The following IGSF5 variants were observed in gnomAD, a reference collection of about 807,000 sequenced individuals.
IGSF5 encodes the protein immunoglobulin superfamily member 5.
In IGSF5, 41 loss-of-function variants were observed where a neutral mutation model predicts 39.4. The observed-to-expected ratio is 1.04, with a 90% CI of 0.81 to 1.35. The LOEUF (loss-of-function observed/expected upper bound fraction) is 1.35. Among genes scored for constraint, IGSF5 ranks in the 40% most tolerant of loss-of-function variants. IGSF5 has a pLI of 0.00. For synonymous variants in IGSF5, 183 were observed against 175.3 expected, an observed-to-expected ratio of 1.04 and a Z score of -0.34; for missense variants, 487 against 494.6, an observed-to-expected ratio of 0.98 and a Z score of 0.15.
At chr21:39,719,736 G>A in the IGSF5 span, among the ~76,000 whole-genome samples, 2 of 152,162 alleles carry the variant, frequency 1.3e-5, no homozygotes, top group East Asian at 3.9e-4. Context: ...TTTTCCTACA[G>A]GTATTACATG....
intron 8 of IGSF5, among the ~76,000 whole-genome samples, chr21:39,794,299 A>G (rs1438054543): frequency 6.6e-6 from 1 of 152,176 alleles, no homozygotes; most frequent in Non-Finnish European, 1.5e-5. Flanking sequence ...GAGCTTGTAG[A>G]TTCTGAAGGT....
At chr21:39,772,926 T>C (rs2080122165) in intron 4 of IGSF5, among the ~76,000 whole-genome samples, 1 of 152,236 alleles carries the variant, frequency 6.6e-6, no homozygotes, top group Non-Finnish European at 1.5e-5. Flanking sequence ...CCAATAGATA[T>C]TGTGGGAATA....
rs1459588236 is a variant in IGSF5 at position 39,771,218 on chromosome 21, A to G, written c.718+3A>G. ...CACTGTGATTCGGTGTCCCCAAGGT[A>G]AGTGAAGACATTCTGCTTTATATGA... is the stretch of plus-strand genomic sequence containing the variant. On this transcript the variant is annotated splice_donor_region_variant and intron_variant, in intron 4 of 8. Coordinates refer to ENST00000380588, the MANE Select transcript of IGSF5 (RefSeq NM_001080444.2). 1 of 1,546,150 alleles carries G rather than the reference A, an allele frequency of 6.5e-7. No individual in the cohort carries two copies.
chr21:39,722,754 C>T, the IGSF5 span, among the ~76,000 whole-genome samples: 1 of 152,130 alleles, frequency 6.6e-6, no homozygotes, highest in Non-Finnish European at 1.5e-5. Context: ...CTTCATAACA[C>T]TTTCTACCAC....
intron 4 of IGSF5, among the ~76,000 whole-genome samples, chr21:39,777,265 T>A (rs2080146032): frequency 6.6e-6 from 1 of 152,184 alleles, no homozygotes; most frequent in Non-Finnish European, 1.5e-5. Context: ...CATCCTGTCA[T>A]GTCGTGGGTA....
rs533142308 is a variant in IGSF5, at chr21:39,783,899, T to C, written c.935-4268T>C. 3.9e-5 allele frequency among the ~76,000 whole-genome samples: 6 copies of C among 152,342 alleles called. 1 individual carries two copies. The highest frequency in any genetic ancestry group is 1.4e-4 in the African/African-American group (6 of 41,572). ...GTTTGAGTTTATTTTGTGTCCACTT[T>C]GAGTTTATTTTGTATATGGTAAGAG... On this transcript the variant is annotated intron_variant, in intron 5 of 8. Coordinates refer to ENST00000380588, the MANE Select transcript of IGSF5 (RefSeq NM_001080444.2).
Position 39,745,534 on chromosome 21 carries a change from C to T in IGSF5, c.17+8C>T, listed in dbSNP as rs566578017. On this transcript the variant is annotated splice_region_variant and intron_variant, in intron 1 of 8. Coordinates refer to ENST00000380588, the MANE Select transcript of IGSF5 (RefSeq NM_001080444.2). Reference sequence around the variant, plus strand: ...TATGGGTCAGAAGGAAAGGTAAGGGCGCATGCGTGGGCGACTGTTGAGTAG... The same window carrying T: ...TATGGGTCAGAAGGAAAGGTAAGGGTGCATGCGTGGGCGACTGTTGAGTAG... 2.7e-5 allele frequency: 19 copies of T among 716,980 alleles called. No homozygotes were observed. The highest frequency in any genetic ancestry group is 1.4e-4 in the African/African-American group (8 of 57,342). 44.4% of individuals were successfully genotyped at this position (716,980 alleles called of 1,614,324 possible).
chr21:39,765,923 C>G, intron 3 of IGSF5, 71 bp downstream of exon 3: 1 of 1,400,600 alleles, frequency 7.1e-7, no homozygotes, highest in Non-Finnish European at 9.8e-7. Flanking sequence ...TTCTAAAGTT[C>G]ATGCCGCGTA....
At chr21:39,772,952 A>G (rs1376157983) in intron 4 of IGSF5, among the ~76,000 whole-genome samples, 1 of 152,118 alleles carries the variant, frequency 6.6e-6, no homozygotes, top group Non-Finnish European at 1.5e-5. Context: ...TTTACCCACA[A>G]CCTTTCACCT....
intron 4 of IGSF5, among the ~76,000 whole-genome samples, chr21:39,771,913 C>T (rs1569253680): frequency 6.6e-6 from 1 of 152,130 alleles, no homozygotes; most frequent in Admixed American, 6.5e-5. Context: ...GGAAGTGAGG[C>T]CCGGAGAAAG....
chr21:39,742,704 A>T (rs146485337), upstream of IGSF5, among the ~76,000 whole-genome samples: 1 of 152,170 alleles, frequency 6.6e-6, no homozygotes, highest in African/African-American at 2.4e-5. Flanking sequence ...CCTATTAGGC[A>T]TTCGATTTGC....
intron 8 of IGSF5, among the ~76,000 whole-genome samples, chr21:39,797,395 T>G (rs1382881228): frequency 6.6e-6 from 1 of 152,096 alleles, no homozygotes; most frequent in Non-Finnish European, 1.5e-5. Context: ...ATTTTTGTAT[T>G]TTTAGTAGAG....
chr21:39,799,806 T>A (rs933214848), intron 8 of IGSF5, among the ~76,000 whole-genome samples: 18 of 152,154 alleles, frequency 1.2e-4, no homozygotes, highest in African/African-American at 4.3e-4. Context: ...CTAAAGCACA[T>A]TGCATTCAAC....
At chr21:39,733,170 T>C in the IGSF5 span, among the ~76,000 whole-genome samples, 5 of 152,198 alleles carry the variant, frequency 3.3e-5, no homozygotes, top group Non-Finnish European at 7.3e-5. Flanking sequence ...TTATTTGCAA[T>C]ATTGAAAAAT....
chr21:39,754,752 C>T (rs1023254313), intron 2 of IGSF5, among the ~76,000 whole-genome samples: 1 of 152,218 alleles, frequency 6.6e-6, no homozygotes, highest in African/African-American at 2.4e-5. Context: ...CCTGTTCAGA[C>T]TACCCCATAG....
chr21:39,734,901 T>A, the IGSF5 span, among the ~76,000 whole-genome samples: 1 of 152,080 alleles, frequency 6.6e-6, no homozygotes, highest in East Asian at 1.9e-4. Context: ...TCTTGCTCTG[T>A]CACCCAGGCT....
At chr21:39,716,491 C>G in the IGSF5 span, among the ~76,000 whole-genome samples, 2 of 152,164 alleles carry the variant, frequency 1.3e-5, no homozygotes, top group African/African-American at 4.8e-5. Context: ...GCTCCTCTCT[C>G]TCCTCCCACC....
chr21:39,772,369 G>A (rs2080119507), intron 4 of IGSF5, among the ~76,000 whole-genome samples: 1 of 152,194 alleles, frequency 6.6e-6, no homozygotes. Flanking sequence ...CACCGTGTGA[G>A]CAGCCACTTG....
the IGSF5 span, among the ~76,000 whole-genome samples, chr21:39,736,626 C>T: frequency 2.6e-5 from 4 of 152,200 alleles, no homozygotes; most frequent in East Asian, 3.9e-4. Context: ...AGTGTGGCCT[C>T]TCTGTAACTG....
Sources: gnomAD v4.1 joint callset for allele counts (sites outside exome capture counted in the v4.1 genomes callset) on GRCh38, gnomAD v4.1.1 for gene constraint, MANE v1.5 for transcripts, NCBI Gene and HGNC (gene_info 2026-07-23, HGNC 2026-07-21) for gene names.